Variants in ASTN2 observed in about 807,000 individuals in gnomAD.
The protein encoded by ASTN2 is astrotactin-2.
Under a neutral mutation model 139.8 loss-of-function variants are expected in ASTN2, and 54 were observed. The ratio of observed to expected loss-of-function variants is 0.39; its 90% CI spans 0.31 to 0.48. The LOEUF is 0.48. Among genes scored for constraint, ASTN2 ranks in the 20% least tolerant of loss-of-function variants. The pLI, the probability that ASTN2 is intolerant of heterozygous loss-of-function variation, is 0.95. For synonymous variants in ASTN2, 756 were observed against 719.5 expected, an observed-to-expected ratio of 1.05 and a Z score of -0.81; for missense variants, 1,565 against 1,725.1, an observed-to-expected ratio of 0.91 and a Z score of 1.64.
chr9:116,562,803 T>G (rs898866358), intron 19 of ASTN2, among the ~76,000 whole-genome samples: 1 of 140,652 alleles, frequency 7.1e-6, no homozygotes, highest in Non-Finnish European at 1.5e-5. Context: ...TTTTGAAAAA[T>G]GAAGGATGAA....
intron 4 of ASTN2, among the ~76,000 whole-genome samples, chr9:117,133,072 C>T (rs1829863154): frequency 6.6e-6 from 1 of 152,140 alleles, no homozygotes; most frequent in Admixed American, 6.5e-5. Flanking sequence ...GGGGTTCAAA[C>T]CAGAAGTTTC....
chr9:117,022,900 G>A (rs1293892284), intron 6 of ASTN2, among the ~76,000 whole-genome samples: 1 of 152,050 alleles, frequency 6.6e-6, no homozygotes, highest in African/African-American at 2.4e-5. Context: ...ACCTGTCCCG[G>A]GTTCTCAGGG....
At position 116,815,461 on chromosome 9, in the gene ASTN2, G is replaced by C. The variant is rs186684741; in HGVS notation, c.2207+5156C>G. On this transcript the variant is annotated intron_variant, in intron 12 of 22. Coordinates refer to ENST00000313400, the MANE Select transcript of ASTN2 (RefSeq NM_001365068.1). ...AACTGGCCGTGAGTGCCCCCACCTTGAGGGCCTCAGTTTCCTCCTCTAAAT... is the reference window on the plus strand; with the variant it reads ...AACTGGCCGTGAGTGCCCCCACCTTCAGGGCCTCAGTTTCCTCCTCTAAAT... 3.1e-4 allele frequency among the ~76,000 whole-genome samples: 47 copies of C among 152,108 alleles called. 1 individual carries two copies. The highest frequency in any genetic ancestry group is 1.1e-3 in the African/African-American group (44 of 41,496).
chr9:116,556,950 A>T (rs898750782), intron 19 of ASTN2, among the ~76,000 whole-genome samples: 2 of 152,118 alleles, frequency 1.3e-5, no homozygotes, highest in African/African-American at 4.8e-5. Context: ...TACTGGGTTT[A>T]ACTAAGTGTT....
chr9:116,904,918 T>C (rs935522461), intron 10 of ASTN2, among the ~76,000 whole-genome samples: 1 of 152,152 alleles, frequency 6.6e-6, no homozygotes, highest in Non-Finnish European at 1.5e-5. Flanking sequence ...TTTGTGACTA[T>C]GAGGCCCAGG....
chr9:116,559,571 A>T (rs895362641), intron 19 of ASTN2, among the ~76,000 whole-genome samples: 1 of 152,232 alleles, frequency 6.6e-6, no homozygotes, highest in African/African-American at 2.4e-5. Flanking sequence ...TTGTCTGTGA[A>T]TCCAACGAGA....
chr9:116,718,679 A>T (rs2416568), intron 16 of ASTN2, among the ~76,000 whole-genome samples: 1 of 151,692 alleles, frequency 6.6e-6, no homozygotes, highest in Non-Finnish European at 1.5e-5. Flanking sequence ...TGACCCTCCC[A>T]CCTGAATGTC....
At chr9:116,445,583 G>T (rs1368555173) in intron 20 of ASTN2, among the ~76,000 whole-genome samples, 1 of 152,174 alleles carries the variant, frequency 6.6e-6, no homozygotes, top group Non-Finnish European at 1.5e-5. Flanking sequence ...ATGAATAAGA[G>T]AGCCCCCAGG....
chr9:116,751,753 T>A (rs918971098), intron 13 of ASTN2, among the ~76,000 whole-genome samples: 6 of 152,022 alleles, frequency 3.9e-5, no homozygotes, highest in African/African-American at 1.4e-4. Flanking sequence ...AAACAAAACA[T>A]CATTTACATT....
intron 12 of ASTN2, among the ~76,000 whole-genome samples, chr9:116,817,913 C>T (rs1831376225): frequency 6.6e-6 from 1 of 152,262 alleles, no homozygotes; most frequent in Non-Finnish European, 1.5e-5. Context: ...GATCACATGA[C>T]TAGATGTGGC....
rs959154817 is a variant in ASTN2, at chr9:116,976,119, A to G, written c.1746T>C (p.Ile582=). ...CAACAAGAAAGCCAACTCACCTGAG[A>G]ATCTTTTCAGGGGCTTGCTCCCCTG... The part of the protein sequence containing the change: ...LVTGEQAPEK[I]LRSTFSLGQG... Residue 582 remains isoleucine (I), a synonymous_variant, in exon 9 of 23, where the codon ATT becomes ATC. Transcript: ENST00000313400. 1 of 1,614,140 alleles carries G rather than the reference A, an allele frequency of 6.2e-7. No individual in the cohort carries two copies. Among genetic ancestry groups the G allele is most frequent in the Non-Finnish European group, 8.5e-7 (1 of 1,179,990 alleles).
chr9:117,162,435 G>A (rs560836615), intron 3 of ASTN2, among the ~76,000 whole-genome samples: 1 of 152,146 alleles, frequency 6.6e-6, no homozygotes, highest in South Asian at 2.1e-4. Flanking sequence ...AGAAGTATCT[G>A]TGTAGGCATT....
intron 16 of ASTN2, among the ~76,000 whole-genome samples, chr9:116,661,154 T>C (rs1452913953): frequency 1.3e-5 from 2 of 152,050 alleles, no homozygotes; most frequent in African/African-American, 4.8e-5. Flanking sequence ...TCAGTCGGCA[T>C]TGAAGGGTAA....
Position 116,442,487 on chromosome 9 carries a change from C to CTACCAG in ASTN2, c.3563_3564insCTGGTA (p.Thr1188_Ala1189insTrpTer). On this transcript the variant is annotated stop_gained and inframe_insertion, in exon 21 of 23. Transcript: ENST00000313400. LOFTEE classifies it high-confidence loss of function. ...TGTTGTCATCTACCAGTGGACAGGC[C>CTACCAG]GTCCTCAGGGTCACCGTGCTTAGCT... is the stretch of plus-strand genomic sequence containing the variant. 1 of 1,614,034 alleles carries CTACCAG rather than the reference C, an allele frequency of 6.2e-7. No individual in the cohort carries two copies. The highest frequency in any genetic ancestry group is 8.5e-7 in the Non-Finnish European group (1 of 1,180,006).
chr9:116,778,140 G>C (rs1230165511), intron 13 of ASTN2, among the ~76,000 whole-genome samples: 5 of 152,088 alleles, frequency 3.3e-5, no homozygotes, highest in African/African-American at 1.2e-4. Flanking sequence ...CCTGTAAATT[G>C]CATTTCTAAT....
rs1214180639 is a variant in ASTN2 at position 117,274,201 on chromosome 9, A to G, written c.630+17125T>C. On this transcript the variant is annotated intron_variant, in intron 2 of 22. Transcript: ENST00000313400. ...CCGTCTCTACTAAAAATACAAAAAA[A>G]TAGCCGGACGTGGTGACATGTGCCT... Among the ~76,000 whole-genome samples the G allele has an allele frequency of 1.3e-5, 2 of 152,172 alleles. 1 individual carries two copies. The highest frequency in any genetic ancestry group is 3.9e-4 in the East Asian group (2 of 5,168).
intron 1 of ASTN2, among the ~76,000 whole-genome samples, chr9:117,401,442 A>T (rs1287456910): frequency 6.6e-6 from 1 of 152,212 alleles, no homozygotes; most frequent in Admixed American, 6.5e-5. Flanking sequence ...GTAGAAGGCA[A>T]CTCAGAGAAA....
chr9:117,188,424 G>A (rs1406622683), intron 3 of ASTN2, among the ~76,000 whole-genome samples: 2 of 152,110 alleles, frequency 1.3e-5, no homozygotes, highest in Non-Finnish European at 2.9e-5. Context: ...TGGGGGTGGG[G>A]TGGAGGAGAG....
At chr9:117,204,065 G>T (rs1049183277) in intron 3 of ASTN2, among the ~76,000 whole-genome samples, 1 of 152,186 alleles carries the variant, frequency 6.6e-6, no homozygotes, top group Admixed American at 6.5e-5. Context: ...AGTTATTGGA[G>T]ATCCTACAGG....
Sources: gnomAD v4.1 joint callset for allele counts (sites outside exome capture counted in the v4.1 genomes callset) on GRCh38, gnomAD v4.1.1 for gene constraint, MANE v1.5 for transcripts, NCBI Gene and HGNC (gene_info 2026-07-23, HGNC 2026-07-21) for gene names.